The following RARB variants were observed in gnomAD, a reference collection of about 807,000 sequenced individuals.
RARB encodes the protein HBV-activated protein.
A neutral mutation model predicts 51.9 loss-of-function variants in RARB; 17 were observed. That is an observed-to-expected ratio of 0.33 (90% CI 0.22 to 0.49). The LOEUF (loss-of-function observed/expected upper bound fraction) is 0.49, where lower values mean the gene tolerates loss of function less well. Among genes scored for constraint, RARB ranks in the 20% least tolerant of loss-of-function variants. The pLI, the probability that RARB is intolerant of heterozygous loss-of-function variation, is 0.99. For synonymous variants in RARB, 215 were observed against 195.4 expected, an observed-to-expected ratio of 1.10 and a Z score of -0.84; for missense variants, 369 against 550.8, an observed-to-expected ratio of 0.67 and a Z score of 3.30.
chr3:25,144,156 T>G (rs1474791147), intron 4 of RARB, among the ~76,000 whole-genome samples: 1 of 152,178 alleles, frequency 6.6e-6, no homozygotes. Context: ...GTTTCCAGCC[T>G]CAAGGATTGT....
At chr3:25,346,046 C>G in intron 5 of RARB, 1 of 210,750 alleles carries the variant, frequency 4.7e-6, no homozygotes, top group Non-Finnish European at 8.2e-6. Context: ...TTCACTCATG[C>G]ATCTGTGGTG....
At chr3:25,286,250 A>G (rs1036959836) in intron 5 of RARB, among the ~76,000 whole-genome samples, 22 of 151,776 alleles carry the variant, frequency 1.4e-4, no homozygotes, top group Admixed American at 6.6e-5. Flanking sequence ...CACCATGCCC[A>G]GCTAATTTTT....
At chr3:24,974,459 T>C (rs1696467309) in intron 2 of RARB, among the ~76,000 whole-genome samples, 1 of 152,110 alleles carries the variant, frequency 6.6e-6, no homozygotes, top group African/African-American at 2.4e-5. Context: ...TAATTTGTTT[T>C]TCACATTGTC....
intron 1 of RARB, among the ~76,000 whole-genome samples, chr3:25,456,319 T>C (rs1000071861): frequency 1.3e-5 from 2 of 152,118 alleles, no homozygotes; most frequent in African/African-American, 2.4e-5. Flanking sequence ...GCTGTCCCCC[T>C]GCTTATTTCC....
At chr3:25,233,275 A>G (rs1313568383) in intron 5 of RARB, among the ~76,000 whole-genome samples, 2 of 152,082 alleles carry the variant, frequency 1.3e-5, no homozygotes, top group Non-Finnish European at 2.9e-5. Context: ...TGCATTTTTA[A>G]CTTGATGATA....
intron 5 of RARB, chr3:25,174,708 C>T (rs1258025052): frequency 1.1e-6 from 1 of 892,028 alleles, no homozygotes; most frequent in Non-Finnish European, 1.5e-6. Flanking sequence ...TTGAATTCTA[C>T]TTTTAGTTCT....
intron 3 of RARB, among the ~76,000 whole-genome samples, chr3:25,514,519 A>C (rs1034113186): frequency 2.6e-5 from 4 of 152,124 alleles, no homozygotes; most frequent in Non-Finnish European, 5.9e-5. Flanking sequence ...AAAAAAAAAA[A>C]ATCTGCTCCT....
intron 3 of RARB, among the ~76,000 whole-genome samples, chr3:25,515,362 T>C (rs757645865): frequency 1.3e-5 from 2 of 152,190 alleles, no homozygotes; most frequent in Non-Finnish European, 2.9e-5. Context: ...GAAAACTCTT[T>C]GGCAGTATCT....
intron 2 of RARB, among the ~76,000 whole-genome samples, chr3:25,485,121 T>C (rs1384960449): frequency 2.7e-5 from 4 of 149,078 alleles, no homozygotes; most frequent in Non-Finnish European, 4.5e-5. Flanking sequence ...ATTAAAAACA[T>C]AAACTAAGCT....
chr3:25,342,404 G>A (rs1246001618), intron 5 of RARB, among the ~76,000 whole-genome samples: 2 of 152,174 alleles, frequency 1.3e-5, no homozygotes, highest in Admixed American at 6.6e-5. Flanking sequence ...TTGTGGCAAA[G>A]AATCTTCATC....
At chr3:25,062,582 A>T (rs184540884) in intron 3 of RARB, among the ~76,000 whole-genome samples, 14 of 152,110 alleles carry the variant, frequency 9.2e-5, no homozygotes, top group African/African-American at 3.4e-4. Flanking sequence ...ATGTCAATAT[A>T]ATGAAATATA....
At chr3:25,130,848 CATATA>C (rs1301546852) in intron 3 of RARB, among the ~76,000 whole-genome samples, 1 of 147,164 alleles carries the variant, frequency 6.8e-6, no homozygotes, top group Non-Finnish European at 1.5e-5. Context: ...GCTTCCACCT[CATATA>C]ATATGTCAAT....
chr3:25,552,585 A>G (rs1488091633), intron 3 of RARB, among the ~76,000 whole-genome samples: 2 of 152,242 alleles, frequency 1.3e-5, no homozygotes, highest in East Asian at 1.9e-4. Flanking sequence ...TCAAGTGGGC[A>G]CCCCAAATCT....
At chr3:25,277,910 C>G (rs112076747) in intron 5 of RARB, among the ~76,000 whole-genome samples, 5 of 152,172 alleles carry the variant, frequency 3.3e-5, no homozygotes, top group African/African-American at 1.2e-4. Flanking sequence ...CATGACAACT[C>G]CTGACTTCTG....
chr3:25,593,422 A>G (rs1472923143), intron 5 of RARB, 81 bp from the exon 6 acceptor site: 1 of 1,326,890 alleles, frequency 7.5e-7, no homozygotes, highest in East Asian at 2.3e-5. Flanking sequence ...GGAAATCTTC[A>G]TGTTATTTCC....
intron 3 of RARB, among the ~76,000 whole-genome samples, chr3:25,108,355 G>A (rs890904341): frequency 3.9e-5 from 6 of 152,154 alleles, no homozygotes; most frequent in African/African-American, 1.4e-4. Context: ...GTCCAGGTTA[G>A]GGTTGAGGTC....
chr3:25,320,248 T>G (rs1455211276), intron 5 of RARB, among the ~76,000 whole-genome samples: 2 of 152,270 alleles, frequency 1.3e-5, no homozygotes, highest in African/African-American at 4.8e-5. Context: ...TATTAGGGCA[T>G]TTTCTTTTTT....
intron 3 of RARB, among the ~76,000 whole-genome samples, chr3:25,553,499 A>G (rs1386724277): frequency 6.6e-6 from 1 of 152,204 alleles, no homozygotes; most frequent in Non-Finnish European, 1.5e-5. Flanking sequence ...AAGTCTTTGG[A>G]TGCTTATAAA....
chr3:25,521,384 C>T (rs995019652), intron 3 of RARB, among the ~76,000 whole-genome samples: 10 of 152,224 alleles, frequency 6.6e-5, no homozygotes, highest in East Asian at 1.9e-4. Context: ...TCATCACACA[C>T]GTTCCTGTTT....
Sources: gnomAD v4.1 joint callset for allele counts (sites outside exome capture counted in the v4.1 genomes callset) on GRCh38, gnomAD v4.1.1 for gene constraint, MANE v1.5 for transcripts, NCBI Gene and HGNC (gene_info 2026-07-23, HGNC 2026-07-21) for gene names.